Variants in GLDC observed in about 807,000 individuals in gnomAD.
GLDC encodes glycine decarboxylase.
In GLDC, 104 loss-of-function variants were observed where a neutral mutation model predicts 121.3. The observed-to-expected ratio is 0.86, with a 90% CI of 0.73 to 1.01. The LOEUF (loss-of-function observed/expected upper bound fraction) is 1.01, where lower values mean the gene tolerates loss of function less well. Among genes scored for constraint, GLDC ranks in the 50% least tolerant of loss-of-function variants. The pLI, the probability that GLDC is intolerant of heterozygous loss-of-function variation, is 0.00. For missense variants in GLDC, 1,429 were observed against 1,306.6 expected (o/e 1.09, Z -1.44); for synonymous variants, 546 against 480.6 (o/e 1.14, Z -1.78).
chr9:6,574,236 GGGA>G (rs892052278), intron 15 of GLDC, among the ~76,000 whole-genome samples: 1 of 152,068 alleles, frequency 6.6e-6, no homozygotes, highest in African/African-American at 2.4e-5. Context: ...CCAGAACTTC[GGGA>G]GGCAGATCAC....
At chr9:6,591,666 C>G (rs745479739) in intron 11 of GLDC, among the ~76,000 whole-genome samples, 12 of 152,116 alleles carry the variant, frequency 7.9e-5, no homozygotes, top group Non-Finnish European at 1.6e-4. Flanking sequence ...CTCACTGCAA[C>G]CGCCGCCTCC....
intron 22 of GLDC, among the ~76,000 whole-genome samples, chr9:6,537,537 T>G (rs1817156325): frequency 6.6e-6 from 1 of 152,192 alleles, no homozygotes; most frequent in African/African-American, 2.4e-5. Context: ...TCCCAGCACT[T>G]TGGGAGGCCA....
chr9:6,608,526 G>A (rs1359953269), intron 4 of GLDC, among the ~76,000 whole-genome samples: 1 of 149,434 alleles, frequency 6.7e-6, no homozygotes, highest in African/African-American at 2.5e-5. Flanking sequence ...GGATCATGAG[G>A]TCAGGAGATC....
intron 21 of GLDC, among the ~76,000 whole-genome samples, chr9:6,546,447 G>A (rs12686522): frequency 2.7e-5 from 4 of 147,360 alleles, no homozygotes; most frequent in Non-Finnish European, 6.0e-5. Context: ...CAACCCTCCC[G>A]GCTTGGCCTC....
At chr9:6,535,141 C>G (rs556445402) in intron 23 of GLDC, among the ~76,000 whole-genome samples, 6 of 152,228 alleles carry the variant, frequency 3.9e-5, no homozygotes, top group African/African-American at 7.2e-5. Flanking sequence ...TGCTTTTATA[C>G]TATTACTGCA....
rs112305531 is a variant in GLDC at position 6,581,913 on chromosome 9, G to C, written c.1850+5228C>G. 7.7e-3 allele frequency among the ~76,000 whole-genome samples: 1,168 copies of C among 152,240 alleles called. 6 individuals are homozygous for C. The highest frequency in any genetic ancestry group is 0.017 in the Middle Eastern group (5 of 294). ...GGTAATGTTTGCAAATCATATATCT[G>C]ATAAGGAATTAGAACATATAGGCTG... On this transcript the variant is annotated intron_variant, in intron 15 of 24. Coordinates refer to ENST00000321612, the MANE Select transcript of GLDC (RefSeq NM_000170.3).
intron 4 of GLDC, among the ~76,000 whole-genome samples, chr9:6,608,417 G>T (rs1295113337): frequency 6.7e-6 from 1 of 149,166 alleles, no homozygotes; most frequent in African/African-American, 2.5e-5. Flanking sequence ...GTGAGACTCT[G>T]TCTCAAAAAA....
At chr9:6,633,472 C>G (rs1403250302) in intron 2 of GLDC, among the ~76,000 whole-genome samples, 2 of 152,180 alleles carry the variant, frequency 1.3e-5, no homozygotes, top group Admixed American at 1.3e-4. Flanking sequence ...ACGAATACCT[C>G]AAACCCAATT....
chr9:6,580,990 C>T (rs1317472572), intron 15 of GLDC, among the ~76,000 whole-genome samples: 1 of 152,174 alleles, frequency 6.6e-6, no homozygotes, highest in Non-Finnish European at 1.5e-5. Context: ...TGGACAGCTC[C>T]GACATAAAAT....
intron 8 of GLDC, among the ~76,000 whole-genome samples, chr9:6,598,166 T>C (rs916411087): frequency 2.6e-5 from 4 of 152,164 alleles, no homozygotes; most frequent in Non-Finnish European, 5.9e-5. Flanking sequence ...GTAGCTGGGA[T>C]ACTGGTGTGT....
chr9:6,591,903 C>G, intron 11 of GLDC: 1 of 396,912 alleles, frequency 2.5e-6, no homozygotes, highest in Non-Finnish European at 4.8e-6. Context: ...GAGGCACTTT[C>G]AATGAAACAC....
chr9:6,596,092 C>A (rs1038657395), intron 8 of GLDC, among the ~76,000 whole-genome samples: 2 of 152,150 alleles, frequency 1.3e-5, no homozygotes, highest in Non-Finnish European at 2.9e-5. Flanking sequence ...ACAGAAACTC[C>A]ACAGCACTTT....
chr9:6,617,957 G>C (rs1041225071), intron 3 of GLDC, among the ~76,000 whole-genome samples: 4 of 152,186 alleles, frequency 2.6e-5, no homozygotes, highest in Non-Finnish European at 5.9e-5. Context: ...TAATCTAAAA[G>C]CCAATCTGTG....
chr9:6,603,717 C>CT (rs1396735995), intron 7 of GLDC, among the ~76,000 whole-genome samples: 2 of 128,778 alleles, frequency 1.6e-5, no homozygotes, highest in South Asian at 2.2e-4. Context: ...TCCCCCGCTC[C>CT]TTTTTTTTCC....
Position 6,532,957 on chromosome 9 carries a change from G to C in GLDC, c.*60C>G. The C allele has an allele frequency of 8.2e-7, 1 of 1,221,776 alleles. No individual in the cohort carries two copies. Among genetic ancestry groups the C allele is most frequent in the South Asian group, 1.2e-5 (1 of 82,838 alleles). The allele number at this position is 1,221,776 out of a possible 1,614,324, so 75.7% of individuals were successfully genotyped here. On this transcript the variant is annotated 3_prime_UTR_variant, in exon 25 of 25. Transcript: ENST00000321612. ...TGGGGTGGGAGATGAAATCTTTCTT[G>C]CTTATCAAATGCTCTGGGGAGAGGC...
chr9:6,566,856 A>T (rs569387374), intron 15 of GLDC, among the ~76,000 whole-genome samples: 2 of 152,356 alleles, frequency 1.3e-5, no homozygotes, highest in East Asian at 1.9e-4. Context: ...TAAGAATTTT[A>T]AAAAATGTGT....
chr9:6,621,826 A>G (rs1028269630), intron 2 of GLDC, among the ~76,000 whole-genome samples: 1 of 152,096 alleles, frequency 6.6e-6, no homozygotes, highest in South Asian at 2.1e-4. Context: ...ACTGAAGGGT[A>G]CTTTTTAGAT....
At chr9:6,621,030 C>A (rs1819082335) in intron 2 of GLDC, among the ~76,000 whole-genome samples, 2 of 152,072 alleles carry the variant, frequency 1.3e-5, no homozygotes, top group Admixed American at 1.3e-4. Flanking sequence ...ATTAGCCAGG[C>A]ATGGTGGTTC....
At chr9:6,634,032 G>A (rs1168752014) in intron 2 of GLDC, among the ~76,000 whole-genome samples, 4 of 151,326 alleles carry the variant, frequency 2.6e-5, no homozygotes, top group East Asian at 2.0e-4. Context: ...GGGTTTCACC[G>A]TGTTAGCCAG....
Sources: gnomAD v4.1 joint callset for allele counts (sites outside exome capture counted in the v4.1 genomes callset) on GRCh38, gnomAD v4.1.1 for gene constraint, MANE v1.5 for transcripts, NCBI Gene and HGNC (gene_info 2026-07-23, HGNC 2026-07-21) for gene names.